The following ZNF565 variants were observed in gnomAD, a reference collection of about 807,000 sequenced individuals.
ZNF565 encodes the protein zinc finger protein 565.
In ZNF565, 27 loss-of-function variants were observed where a neutral mutation model predicts 39.4. The observed-to-expected ratio is 0.69, with a 90% CI of 0.51 to 0.95. The LOEUF (loss-of-function observed/expected upper bound fraction) is 0.95, where lower values mean the gene tolerates loss of function less well. Ranked by LOEUF, ZNF565 falls within the 40% of genes least tolerant of loss-of-function variation. The pLI is 0.00. For missense variants in ZNF565, 524 were observed against 621.1 expected (o/e 0.84, Z 1.66); for synonymous variants, 185 against 216.6 (o/e 0.85, Z 1.28).
chr19:36,195,796 A>G (rs56240209), intron 2 of ZNF565, among the ~76,000 whole-genome samples: 1 of 147,660 alleles, frequency 6.8e-6, no homozygotes, highest in Non-Finnish European at 1.5e-5. Context: ...TGCACGCCTC[A>G]GCCTCCCAAA....
chr19:36,215,484 T>G (rs1390614607), upstream of ZNF565, among the ~76,000 whole-genome samples: 1 of 152,086 alleles, frequency 6.6e-6, no homozygotes, highest in African/African-American at 2.4e-5. Flanking sequence ...GTATAACGTT[T>G]GAGCTGCACT....
At chr19:36,205,822 T>C (rs1431852486) in intron 1 of ZNF565, among the ~76,000 whole-genome samples, 3 of 152,158 alleles carry the variant, frequency 2.0e-5, no homozygotes, top group African/African-American at 7.2e-5. Context: ...GGCTCTGGCA[T>C]CTGACACATA....
At chr19:36,212,789 T>C (rs1488452003) in intron 1 of ZNF565, among the ~76,000 whole-genome samples, 4 of 152,158 alleles carry the variant, frequency 2.6e-5, no homozygotes, top group African/African-American at 4.8e-5. Context: ...ATTACTCCTA[T>C]GGCAAATACT....
chr19:36,232,187 T>C (rs1221970899), intron 1 of ZNF565, among the ~76,000 whole-genome samples: 4 of 109,952 alleles, frequency 3.6e-5, no homozygotes, highest in African/African-American at 1.5e-4. Flanking sequence ...AGAGCGAGAC[T>C]CCATCTCAAA....
chr19:36,236,538 A>C (rs1977651020), intron 1 of ZNF565: 4 of 1,614,214 alleles, frequency 2.5e-6, no homozygotes, highest in Non-Finnish European at 3.4e-6. Context: ...AACCTCACTG[A>C]GCATGAGCAT....
intron 1 of ZNF565, among the ~76,000 whole-genome samples, chr19:36,227,869 T>C (rs987875060): frequency 2.0e-5 from 3 of 152,160 alleles, no homozygotes; most frequent in Non-Finnish European, 4.4e-5. Flanking sequence ...ACATCTCTAA[T>C]ATGAAATAGG....
At chr19:36,230,220 A>C (rs1055358595) in intron 1 of ZNF565, among the ~76,000 whole-genome samples, 6 of 152,234 alleles carry the variant, frequency 3.9e-5, no homozygotes, top group Admixed American at 6.5e-5. Context: ...CATTGCTCTC[A>C]AAAGAAGTAA....
chr19:36,231,881 C>T (rs897072746), intron 1 of ZNF565, among the ~76,000 whole-genome samples: 4 of 150,140 alleles, frequency 2.7e-5, no homozygotes, highest in African/African-American at 4.9e-5. Context: ...GCCTGGGCAG[C>T]GTGTTGAGAC....
At chr19:36,222,778 C>CTTTTTTTTTTTTTTTT (rs55668684) in intron 1 of ZNF565, among the ~76,000 whole-genome samples, 2 of 100,888 alleles carry the variant, frequency 2.0e-5, no homozygotes, top group African/African-American at 3.7e-5. Flanking sequence ...TGAGTGGTGG[C>CTTTTTTTTTTTTTTTT]TTTTTTTTTT....
upstream of ZNF565, among the ~76,000 whole-genome samples, chr19:36,216,120 T>C (rs12459704): frequency 0.26 from 39,393 of 152,094 alleles, 5,505 homozygotes; most frequent in African/African-American, 0.37. Flanking sequence ...TTAATATCTA[T>C]AAATAAATAG....
chr19:36,188,729 A>C (rs1479340038), intron 4 of ZNF565, among the ~76,000 whole-genome samples: 8 of 151,944 alleles, frequency 5.3e-5, no homozygotes, highest in Non-Finnish European at 7.4e-5. Context: ...AAAAAAAACA[A>C]AACAACAACA....
chr19:36,245,670 A>C lies in ZNF565; in HGVS notation c.-140T>G. 1.5e-6 allele frequency: 1 copy of C among 673,018 alleles called. No homozygotes were observed. The highest frequency in any genetic ancestry group is 2.1e-5 in the Admixed American group (1 of 47,914). The allele number at this position is 673,018 out of a possible 1,614,324, so 41.7% of individuals were successfully genotyped here. A position where few individuals can be genotyped will look rare whatever the true frequency, so the allele number is the denominator to read the frequency against. On this transcript the variant is annotated 5_prime_UTR_variant, in exon 1 of 5. Coordinates refer to the ZNF565 transcript ENST00000355114. This position sits in a 1 kb window ranked among gnomAD's most constrained non-coding sequence, Gnocchi z 4.4. ...GGCAGAGTCTCTGGTGCCCGGGTGA[A>C]TGGGTTCAGGGTCTCTTAAGGACCC...
chr19:36,234,633 G>A (rs988376577), intron 1 of ZNF565, among the ~76,000 whole-genome samples: 15 of 152,130 alleles, frequency 9.9e-5, no homozygotes, highest in Non-Finnish European at 1.8e-4. Flanking sequence ...TCCTGACCTC[G>A]TGATCCGCCC....
chr19:36,211,449 T>TCACACA (rs370230430), intron 1 of ZNF565, among the ~76,000 whole-genome samples: 4,648 of 137,718 alleles, frequency 0.034, 89 homozygotes, highest in Non-Finnish European at 0.04. Flanking sequence ...CAACTCTCTC[T>TCACACA]CACACACACA....
upstream of ZNF565, among the ~76,000 whole-genome samples, chr19:36,218,843 T>G (rs189288303): frequency 1.5e-5 from 2 of 132,634 alleles, no homozygotes; most frequent in Non-Finnish European, 3.3e-5. Flanking sequence ...GAGTCTCGGT[T>G]TGTCGCCCAG....
intron 1 of ZNF565, chr19:36,237,716 C>T (rs1290602098): frequency 3.4e-5 from 6 of 177,630 alleles, no homozygotes; most frequent in Non-Finnish European, 6.7e-5. Flanking sequence ...ATTAAGACTC[C>T]TGTGGTATTG....
intron 1 of ZNF565, among the ~76,000 whole-genome samples, chr19:36,224,736 A>G (rs1319980453): frequency 6.6e-6 from 1 of 152,250 alleles, no homozygotes; most frequent in African/African-American, 2.4e-5. Flanking sequence ...CATTAAATTT[A>G]TAAAATAACT....
At chr19:36,238,205 G>A (rs922845360) in intron 1 of ZNF565, 2 of 167,076 alleles carry the variant, frequency 1.2e-5, no homozygotes, top group African/African-American at 2.4e-5. Context: ...GTTGAGGGGG[G>A]ATCAAGTTGC....
intron 1 of ZNF565, among the ~76,000 whole-genome samples, chr19:36,223,280 A>G (rs1221131394): frequency 6.6e-6 from 1 of 151,044 alleles, no homozygotes; most frequent in Non-Finnish European, 1.5e-5. Context: ...TTAGCCAGTC[A>G]TTGTGGTGCA....
Sources: gnomAD v4.1 joint callset for allele counts (sites outside exome capture counted in the v4.1 genomes callset) on GRCh38, gnomAD v4.1.1 for gene constraint, Gnocchi (gnomAD v3.1) non-coding constraint, MANE v1.5 for transcripts, NCBI Gene and HGNC (gene_info 2026-07-23, HGNC 2026-07-21) for gene names.